The following TRPS1 variants were observed in gnomAD, a reference collection of about 807,000 sequenced individuals.
The protein encoded by TRPS1 is zinc finger transcription factor Trps1.
TRPS1 carries 6 observed loss-of-function variants against 101.2 expected under a neutral mutation model. The observed-to-expected ratio is 0.06, with a 90% CI of 0.03 to 0.12. The LOEUF is 0.12. TRPS1 is among the 10% of genes least tolerant of loss of function. TRPS1 has a pLI of 1.00. For synonymous variants in TRPS1, 578 were observed against 589.8 expected (o/e 0.98, Z 0.29); for missense variants, 1,363 against 1,567.0 (o/e 0.87, Z 2.20).
chr8:115,622,579 T>C (rs2130540892), intron 2 of TRPS1, among the ~76,000 whole-genome samples: 1 of 152,298 alleles, frequency 6.6e-6, no homozygotes, highest in Admixed American at 6.5e-5. Context: ...GTTAATTTTT[T>C]CCATTACACA....
At chr8:115,563,538 CTCATGCAAATG>C (rs1333866124) in intron 5 of TRPS1, among the ~76,000 whole-genome samples, 16 of 152,060 alleles carry the variant, frequency 1.1e-4, no homozygotes, top group African/African-American at 3.9e-4. Context: ...TTCATTTCCT[CTCATGCAAATG>C]TAAAAAGAGA....
intron 1 of TRPS1, chr8:115,637,449 G>A (rs973841562): frequency 1.2e-5 from 4 of 334,886 alleles, no homozygotes; most frequent in Admixed American, 6.5e-5. Flanking sequence ...AACTCTGATC[G>A]TAAAAGGAAG....
At chr8:115,460,864 G>A (rs1288598399) in intron 5 of TRPS1, among the ~76,000 whole-genome samples, 1 of 152,158 alleles carries the variant, frequency 6.6e-6, no homozygotes, top group African/African-American at 2.4e-5. Context: ...GCATACTCAT[G>A]AATAAGAAAC....
At chr8:115,478,426 T>G (rs918355130) in intron 5 of TRPS1, among the ~76,000 whole-genome samples, 1 of 152,210 alleles carries the variant, frequency 6.6e-6, no homozygotes, top group African/African-American at 2.4e-5. Flanking sequence ...TAACATTGTT[T>G]GATTTCCCCA....
chr8:115,447,952 G>C (rs1445447809), intron 5 of TRPS1, among the ~76,000 whole-genome samples: 5 of 152,076 alleles, frequency 3.3e-5, no homozygotes, highest in Admixed American at 1.3e-4. Flanking sequence ...TACATTTTAT[G>C]CTTGCTTAGT....
chr8:115,424,298 CTT>C (rs1160248323), intron 5 of TRPS1, among the ~76,000 whole-genome samples: 1 of 152,142 alleles, frequency 6.6e-6, no homozygotes, highest in Non-Finnish European at 1.5e-5. Context: ...ATCAAAAAGT[CTT>C]TGCAACATTC....
chr8:115,612,181 G>A (rs970252514), intron 3 of TRPS1, among the ~76,000 whole-genome samples: 11 of 148,730 alleles, frequency 7.4e-5, no homozygotes, highest in African/African-American at 2.7e-4. Flanking sequence ...AGAGGAGGAA[G>A]AAGAAGGAAT....
At chr8:115,501,505 A>G (rs1815319733) in intron 5 of TRPS1, among the ~76,000 whole-genome samples, 1 of 152,206 alleles carries the variant, frequency 6.6e-6, no homozygotes, top group Non-Finnish European at 1.5e-5. Context: ...CCAAATTTTT[A>G]TGTTCATACA....
In TRPS1 at chr8:115,418,973, T is replaced by C. The variant is rs1812987805; in HGVS notation, c.2701-521A>G. On this transcript the variant is annotated intron_variant, in intron 5 of 6. Transcript: ENST00000395715. This position sits in a 1 kb window ranked among gnomAD's most constrained non-coding sequence, Gnocchi z 4.3. ...ATATAAGACACTCAATTCTGGTCTT[T>C]CGTTTGCAATTGTAAAATCTGAAAG... 1.3e-5 allele frequency among the ~76,000 whole-genome samples: 2 copies of C among 152,226 alleles called. No individual in the cohort carries two copies. The highest frequency in any genetic ancestry group is 6.5e-5 in the Admixed American group (1 of 15,274).
At chr8:115,582,084 G>A (rs1287757957) in intron 5 of TRPS1, among the ~76,000 whole-genome samples, 2 of 152,150 alleles carry the variant, frequency 1.3e-5, no homozygotes, top group South Asian at 4.1e-4. Flanking sequence ...TCCTGATATA[G>A]TCTGATCTCT....
chr8:115,632,796 T>C (rs1818676305), intron 1 of TRPS1, among the ~76,000 whole-genome samples: 1 of 152,112 alleles, frequency 6.6e-6, no homozygotes, highest in African/African-American at 2.4e-5. Flanking sequence ...CTAAAGTGTT[T>C]AGCAGTCAGG....
chr8:115,519,401 C>A (rs1166997210), intron 5 of TRPS1, among the ~76,000 whole-genome samples: 2 of 151,176 alleles, frequency 1.3e-5, no homozygotes, highest in Non-Finnish European at 3.0e-5. Context: ...AATATGTTTC[C>A]TTTAGAAATC....
intron 4 of TRPS1, among the ~76,000 whole-genome samples, chr8:115,603,157 GC>G (rs1277962310): frequency 6.6e-6 from 1 of 152,116 alleles, no homozygotes; most frequent in Non-Finnish European, 1.5e-5. Flanking sequence ...CATATCCTAT[GC>G]TTATCTCTAG....
intron 5 of TRPS1, among the ~76,000 whole-genome samples, chr8:115,573,986 ACAATCAT>A: frequency 6.6e-6 from 1 of 152,136 alleles, no homozygotes; most frequent in South Asian, 2.1e-4. Context: ...TCCTCTTTAA[ACAATCAT>A]AATCATTCTC....
At chr8:115,416,761 T>C (rs929019549) in intron 6 of TRPS1, among the ~76,000 whole-genome samples, 4 of 152,070 alleles carry the variant, frequency 2.6e-5, no homozygotes. Flanking sequence ...ACAGTTGTTA[T>C]TGACAATTCA....
intron 5 of TRPS1, among the ~76,000 whole-genome samples, chr8:115,453,527 G>A (rs994039637): frequency 4.0e-5 from 6 of 150,876 alleles, no homozygotes; most frequent in African/African-American, 1.5e-4. Context: ...CAGTGTACCT[G>A]TTCTCCACCT....
chr8:115,473,349 T>A (rs1256243388), intron 5 of TRPS1, among the ~76,000 whole-genome samples: 2 of 152,074 alleles, frequency 1.3e-5, no homozygotes, highest in Non-Finnish European at 2.9e-5. Context: ...AACTATCAGA[T>A]CTCATGAGAA....
At chr8:115,510,412 C>G (rs1815555430) in intron 5 of TRPS1, among the ~76,000 whole-genome samples, 1 of 151,870 alleles carries the variant, frequency 6.6e-6, no homozygotes, top group Non-Finnish European at 1.5e-5. Flanking sequence ...GGGCTCAGGT[C>G]ATCCTTCTAT....
chr8:115,638,402 G>A (rs538425488), intron 1 of TRPS1, among the ~76,000 whole-genome samples: 1 of 152,250 alleles, frequency 6.6e-6, no homozygotes, highest in South Asian at 2.1e-4. Flanking sequence ...AGACATGAGT[G>A]CAATGAATAA....
Sources: gnomAD v4.1 joint callset for allele counts (sites outside exome capture counted in the v4.1 genomes callset) on GRCh38, gnomAD v4.1.1 for gene constraint, Gnocchi (gnomAD v3.1) non-coding constraint, MANE v1.5 for transcripts, NCBI Gene and HGNC (gene_info 2026-07-23, HGNC 2026-07-21) for gene names.